LPIN1: variants seen among roughly 807,000 people sequenced by gnomAD.
LPIN1 encodes the protein phosphatidate phosphatase LPIN1.
In LPIN1, 71 loss-of-function variants were observed where a neutral mutation model predicts 107.5. The ratio of observed to expected loss-of-function variants is 0.66; its 90% CI spans 0.55 to 0.80. LPIN1 has a LOEUF of 0.80. Among genes scored for constraint, LPIN1 ranks in the 30% least tolerant of loss-of-function variants. LPIN1 has a pLI of 0.00. For missense variants in LPIN1, 1,043 were observed against 1,160.6 expected (o/e 0.90, Z 1.47); for synonymous variants, 445 against 452.6 (o/e 0.98, Z 0.21).
At chr2:11,748,348 C>T (rs73185108) in intron 1 of LPIN1, among the ~76,000 whole-genome samples, 11,941 of 152,204 alleles carry the variant, frequency 0.078, 1,512 homozygotes, top group African/African-American at 0.27. Flanking sequence ...GCGCCGAGGC[C>T]GGCACAGAGC....
chr2:11,771,370 A>C lies in LPIN1; in HGVS notation c.289-2A>C. ...TTTTTAGAAAATGTGTTCTTTTCTTAGGAAGTTATCCCTATGCACCTGGCC... is the reference window on the plus strand; with the variant it reads ...TTTTTAGAAAATGTGTTCTTTTCTTCGGAAGTTATCCCTATGCACCTGGCC... On this transcript the variant is annotated splice_acceptor_variant, in intron 3 of 20. Transcript: ENST00000674199. LOFTEE classifies it high-confidence loss of function. The surrounding 1 kb of genome is among the most constrained non-coding windows in gnomAD (Gnocchi z 4.8). The C allele has an allele frequency of 6.2e-7, 1 of 1,614,070 alleles. No homozygotes were observed. The highest frequency in any genetic ancestry group is 8.5e-7 in the Non-Finnish European group (1 of 1,179,886).
chr2:11,748,728 C>G (rs1332453018), intron 1 of LPIN1, among the ~76,000 whole-genome samples: 1 of 152,182 alleles, frequency 6.6e-6, no homozygotes, highest in Non-Finnish European at 1.5e-5. Context: ...GTACTGGGTT[C>G]AAGGCCTAAA....
At chr2:11,692,092 G>T (rs190303259) in intron 1 of LPIN1, among the ~76,000 whole-genome samples, 1 of 152,172 alleles carries the variant, frequency 6.6e-6, no homozygotes, top group East Asian at 1.9e-4. Flanking sequence ...CTTGTTTTCC[G>T]ATCTGAAGAA....
At chr2:11,810,442 C>T (rs1054553257) in intron 17 of LPIN1, among the ~76,000 whole-genome samples, 28 of 152,080 alleles carry the variant, frequency 1.8e-4, no homozygotes, top group African/African-American at 5.5e-4. Context: ...AGGGAGACTC[C>T]GGTGCAGACG....
chr2:11,680,819 G>A (rs1661673280), intron 1 of LPIN1, among the ~76,000 whole-genome samples: 1 of 152,180 alleles, frequency 6.6e-6, no homozygotes, highest in Non-Finnish European at 1.5e-5. Flanking sequence ...AAAGATAGCA[G>A]GCAGTCACGG....
At position 11,707,661 on chromosome 2, in the gene LPIN1, T is replaced by C. The variant is rs1159010989; in HGVS notation, c.82-6095T>C. Among the ~76,000 whole-genome samples the C allele has an allele frequency of 6.6e-6, 1 of 152,040 alleles. No individual in the cohort carries two copies. Among genetic ancestry groups the C allele is most frequent in the Non-Finnish European group, 1.5e-5 (1 of 67,994 alleles). On this transcript the variant is annotated intron_variant, in intron 1 of 21. Transcript: ENST00000449576. The surrounding 1 kb of genome is among the most constrained non-coding windows in gnomAD (Gnocchi z 4.2). The stretch of plus-strand genomic sequence containing the variant: ...GTGGTGCACGCACGGGGAGAAGTGC[T>C]CGGGGTCCCCCACTGGAGGTGGAGC...
intron 1 of LPIN1, among the ~76,000 whole-genome samples, chr2:11,703,995 G>T (rs969797738): frequency 6.6e-6 from 1 of 152,158 alleles, no homozygotes; most frequent in African/African-American, 2.4e-5. Flanking sequence ...TGCCTTGGTG[G>T]GGGTGGCTGG....
chr2:11,703,511 G>A (rs1296319088), intron 1 of LPIN1, among the ~76,000 whole-genome samples: 3 of 152,172 alleles, frequency 2.0e-5, no homozygotes, highest in Non-Finnish European at 4.4e-5. Context: ...TTCATAAATA[G>A]GCAAGGAGGT....
rs1457367359 is a variant in LPIN1 at position 11,804,570 on chromosome 2, A to G, written c.2161A>G (p.Arg721Gly). The G allele has an allele frequency of 1.9e-6, 3 of 1,613,998 alleles. No homozygotes were observed. The highest frequency in any genetic ancestry group is 4.5e-5 in the East Asian group (2 of 44,896). ...IISDIDGTITRSDTLGHILPT... is the reference protein window; with the variant it reads ...IISDIDGTITGSDTLGHILPT... ...TTCTGATATTGATGGGACAATTACC[A>G]GGTAGGTCCTGCTGACTTGGGGCCC... Residue 721 changes from arginine to glycine, a missense_variant and splice_region_variant, in exon 16 of 21, where the codon AGA becomes GGA. By Grantham distance (125) the Arg-to-Gly change is moderately radical. Coordinates refer to ENST00000674199, the MANE Select transcript of LPIN1 (RefSeq NM_001349206.2).
In LPIN1 at chr2:11,774,326, A is replaced by G. The variant is rs779685926; in HGVS notation, c.722+581A>G. Among the ~76,000 whole-genome samples, 14 of 152,180 alleles carry G rather than the reference A, an allele frequency of 9.2e-5. No homozygotes were observed. The highest frequency in any genetic ancestry group is 6.5e-5 in the Admixed American group (1 of 15,286). ...TAGTGAGCCCCCTGGCTAGTTTTCAAAGGACTTGGGGAAGAGGGTAGAGCT... is the reference window on the plus strand; with the variant it reads ...TAGTGAGCCCCCTGGCTAGTTTTCAGAGGACTTGGGGAAGAGGGTAGAGCT... On this transcript the variant is annotated intron_variant, in intron 5 of 20. Transcript: ENST00000674199. The surrounding 1 kb of genome is among the most constrained non-coding windows in gnomAD (Gnocchi z 4.4).
At chr2:11,688,436 T>C (rs1269015072) in intron 1 of LPIN1, among the ~76,000 whole-genome samples, 2 of 152,232 alleles carry the variant, frequency 1.3e-5, no homozygotes, top group Non-Finnish European at 2.9e-5. Flanking sequence ...ACTTCAGGAC[T>C]GAGACTCTCT....
At chr2:11,713,658 A>T (rs1663547941) in intron 1 of LPIN1, 2 of 672,284 alleles carry the variant, frequency 3.0e-6, no homozygotes, top group Non-Finnish European at 5.1e-6. Context: ...TGTAGAGTTC[A>T]GTGAGTTTTT....
intron 17 of LPIN1, among the ~76,000 whole-genome samples, chr2:11,812,493 C>G (rs1476644144): frequency 1.3e-5 from 2 of 152,054 alleles, no homozygotes; most frequent in East Asian, 3.9e-4. Context: ...CCAGCAGAGA[C>G]CTAGATGAGG....
At chr2:11,798,186 A>G (rs903931413) in intron 14 of LPIN1, among the ~76,000 whole-genome samples, 2 of 152,318 alleles carry the variant, frequency 1.3e-5, no homozygotes, top group Admixed American at 6.5e-5. Context: ...ACTGTGAGTC[A>G]ATTAATACCT....
chr2:11,727,973 T>C (rs1162472056), intron 1 of LPIN1, among the ~76,000 whole-genome samples: 1 of 152,152 alleles, frequency 6.6e-6, no homozygotes, highest in Non-Finnish European at 1.5e-5. Flanking sequence ...TGCTGTACAG[T>C]TTTTTTGTCT....
In LPIN1 at chr2:11,707,897, T is replaced by C. The variant is rs1033810628; in HGVS notation, c.82-5859T>C. 9.9e-5 allele frequency among the ~76,000 whole-genome samples: 15 copies of C among 152,216 alleles called. No individual in the cohort carries two copies. The highest frequency in any genetic ancestry group is 3.4e-4 in the African/African-American group (14 of 41,452). ...ATGAGTGAGTGGTCTCCGCTAATTATGACTGGGTAGGCCCCTTAGAGAAGC... is the reference window on the plus strand; with the variant it reads ...ATGAGTGAGTGGTCTCCGCTAATTACGACTGGGTAGGCCCCTTAGAGAAGC... On this transcript the variant is annotated intron_variant, in intron 1 of 21. Coordinates refer to the LPIN1 transcript ENST00000449576. This position sits in a 1 kb window ranked among gnomAD's most constrained non-coding sequence, Gnocchi z 4.2.
intron 15 of LPIN1, 131 bp from the exon 16 acceptor site, chr2:11,804,292 A>G: frequency 1.0e-6 from 1 of 973,838 alleles, no homozygotes. Flanking sequence ...GAAAGAAAGA[A>G]TTATACAAGG....
chr2:11,772,058 C>A (rs1218407387), intron 4 of LPIN1, among the ~76,000 whole-genome samples: 1 of 152,216 alleles, frequency 6.6e-6, no homozygotes, highest in African/African-American at 2.4e-5. Context: ...GCATTAGATT[C>A]TCACAAGGAG....
At chr2:11,693,806 ATATATATATATATATATTTTTTTTTTTTT>A (rs1218898994) in intron 1 of LPIN1, among the ~76,000 whole-genome samples, 7 of 24,302 alleles carry the variant, frequency 2.9e-4, no homozygotes, top group African/African-American at 6.5e-4. Flanking sequence ...ATATATATAT[ATATATATATATATATATTTTTTTTTTTTT>A]TTTTTTTTTT....
Sources: allele counts gnomAD v4.1 joint callset (sites outside exome capture counted in the v4.1 genomes callset), GRCh38; gene constraint gnomAD v4.1.1; non-coding constraint Gnocchi (gnomAD v3.1); transcripts MANE v1.5; gene names NCBI Gene and HGNC (gene_info 2026-07-23, HGNC 2026-07-21).